The following RASGRF2 variants were observed in gnomAD, a reference collection of about 807,000 sequenced individuals.
The protein encoded by RASGRF2 is ras-specific guanine nucleotide-releasing factor 2.
A neutral mutation model predicts 151.0 loss-of-function variants in RASGRF2; 76 were observed. That is an observed-to-expected ratio of 0.50 (90% confidence interval 0.42 to 0.61). The LOEUF is 0.61. Among genes scored for constraint, RASGRF2 ranks in the 20% least tolerant of loss-of-function variants. The pLI, the probability that RASGRF2 is intolerant of heterozygous loss-of-function variation, is 0.00. For missense variants in RASGRF2, 1,148 were observed against 1,564.6 expected, an observed-to-expected ratio of 0.73 and a Z score of 4.49; for synonymous variants, 504 against 566.5, an observed-to-expected ratio of 0.89 and a Z score of 1.57.
intron 1 of RASGRF2, among the ~76,000 whole-genome samples, chr5:81,005,528 T>A (rs1261969927): frequency 6.6e-6 from 1 of 152,108 alleles, no homozygotes; most frequent in Non-Finnish European, 1.5e-5. Flanking sequence ...ACCATATCAG[T>A]CAGTGTTTTT....
rs560599632 is a variant in RASGRF2 at position 81,007,575 on chromosome 5, CTCGCT to C, written c.289-35300_289-35296del. On this transcript the variant is annotated intron_variant, in intron 1 of 26. Transcript: ENST00000265080. Reference sequence around the variant, plus strand: ...TGAGGGTTAGTTGGCCATATACTCCCTCGCTTTCTTTTTTCCATTAAGAAAAATTC... The same window carrying C: ...TGAGGGTTAGTTGGCCATATACTCCCTTCTTTTTTCCATTAAGAAAAATTC... Among the ~76,000 whole-genome samples the C allele has an allele frequency of 5.9e-5, 9 of 152,102 alleles. No homozygotes were observed. In the South Asian group the frequency reaches 1.9e-3, roughly 32 times the overall value.
intron 12 of RASGRF2, among the ~76,000 whole-genome samples, chr5:81,100,539 C>G (rs1752672697): frequency 6.6e-6 from 1 of 152,184 alleles, no homozygotes; most frequent in African/African-American, 2.4e-5. Flanking sequence ...AATAATTCTT[C>G]CCCTTTTTCA....
chr5:81,013,634 T>G lies in RASGRF2; in HGVS notation c.289-29243T>G, dbSNP rs560644795. Among the ~76,000 whole-genome samples the G allele has an allele frequency of 5.9e-5, 9 of 151,844 alleles. No homozygotes were observed. The South Asian group carries it at 1.9e-3, about 31-fold the overall frequency. On this transcript the variant is annotated intron_variant, in intron 1 of 26. Coordinates refer to ENST00000265080, the MANE Select transcript of RASGRF2 (RefSeq NM_006909.3). ...ATATGTTATGCTATGTATTATGTTG[T>G]GTATGTGTATATATATATGTTATTC...
At chr5:81,120,174 C>T (rs535565436) in intron 15 of RASGRF2, among the ~76,000 whole-genome samples, 1 of 152,244 alleles carries the variant, frequency 6.6e-6, no homozygotes, top group African/African-American at 2.4e-5. Flanking sequence ...ATTTCTTTTC[C>T]CTTTCTATAG....
intron 1 of RASGRF2, among the ~76,000 whole-genome samples, chr5:81,022,515 A>G (rs764474578): frequency 1.4e-4 from 21 of 152,210 alleles, no homozygotes; most frequent in Non-Finnish European, 1.9e-4. Context: ...CCCTGAGGGA[A>G]GTGGCACTGA....
At chr5:80,971,189 T>C (rs1358002342) in intron 1 of RASGRF2, among the ~76,000 whole-genome samples, 1 of 152,176 alleles carries the variant, frequency 6.6e-6, no homozygotes, top group Non-Finnish European at 1.5e-5. Context: ...ATCAAGACAT[T>C]GACACGATCA....
chr5:81,208,411 T>C lies in RASGRF2; in HGVS notation c.3129T>C (p.Ile1043=). 4.3e-6 allele frequency: 7 copies of C among 1,613,934 alleles called. No homozygotes were observed. The highest frequency in any genetic ancestry group is 5.9e-6 in the Non-Finnish European group (7 of 1,179,942). ...KLDKNERTPY[I]MKTSQHFNDM... ...ATAAAAACGAAAGAACTCCTTACATTATGAAAACCAGCCAACACTTCAATG... is the reference window on the plus strand; with the variant it reads ...ATAAAAACGAAAGAACTCCTTACATCATGAAAACCAGCCAACACTTCAATG... The change falls in exon 22 of 27, where the codon ATT becomes ATC. Residue 1043 remains isoleucine, a synonymous_variant. Coordinates refer to ENST00000265080, the MANE Select transcript of RASGRF2 (RefSeq NM_006909.3).
rs537563148 is a variant in RASGRF2 at position 81,031,607 on chromosome 5, C to T, written c.289-11270C>T. Among the ~76,000 whole-genome samples, 32 of 152,260 alleles carry T rather than the reference C, an allele frequency of 2.1e-4. 1 individual carries two copies. The South Asian group carries it at 6.4e-3, about 31-fold the overall frequency. ...AGATGTTCTTTGAAACCAATGAGAA[C>T]AAAGACACCACATACCCAAATCTCT... On this transcript the variant is annotated intron_variant, in intron 1 of 26. Transcript: ENST00000265080.
intron 14 of RASGRF2, 70 bp downstream of exon 14, chr5:81,112,928 A>G: frequency 4.4e-6 from 7 of 1,588,572 alleles, no homozygotes; most frequent in Non-Finnish European, 6.0e-6. Context: ...CACCATGAGG[A>G]TGAGCAGGCC....
rs369787079 is a variant in RASGRF2 at position 81,225,724 on chromosome 5, C to A, written c.3668C>A (p.Thr1223Lys). The part of the protein sequence containing the change: ...LDKDLIIDED[T>K]LYELSLKIEP... ...AAAGACCTTATCATAGATGAAGATACGCTATATGAGCTGTCACTAAAAATT... is the reference window on the plus strand; with the variant it reads ...AAAGACCTTATCATAGATGAAGATAAGCTATATGAGCTGTCACTAAAAATT... The change falls in exon 27 of 27, where the codon ACG becomes AAG. Residue 1223 changes from threonine (T) to lysine (K), a missense_variant. Thr to Lys is a moderately conservative substitution (Grantham distance 78). Around this residue, in one of 5 missense-constraint regions of RASGRF2, gnomAD observed 100 missense variants for 148.2 expected, o/e 0.67. Coordinates refer to ENST00000265080, the MANE Select transcript of RASGRF2 (RefSeq NM_006909.3). 6.2e-7 allele frequency: 1 copy of A among 1,612,252 alleles called. No individual in the cohort carries two copies. Among genetic ancestry groups the A allele is most frequent in the Non-Finnish European group, 8.5e-7 (1 of 1,179,578 alleles).
At chr5:81,157,824 C>T (rs898353864) in intron 17 of RASGRF2, among the ~76,000 whole-genome samples, 4 of 152,136 alleles carry the variant, frequency 2.6e-5, no homozygotes, top group African/African-American at 2.4e-5. Context: ...TGGGGAAAAC[C>T]GCCCCTGTGA....
At chr5:81,104,528 T>C (rs960530323) in intron 12 of RASGRF2, among the ~76,000 whole-genome samples, 2 of 152,174 alleles carry the variant, frequency 1.3e-5, no homozygotes, top group African/African-American at 4.8e-5. Context: ...ATTTCCCCTT[T>C]CCAATTCTCT....
intron 17 of RASGRF2, among the ~76,000 whole-genome samples, chr5:81,164,101 A>G (rs1316756786): frequency 6.6e-6 from 1 of 152,220 alleles, no homozygotes; most frequent in Non-Finnish European, 1.5e-5. Flanking sequence ...ACACTGAGTG[A>G]TGTTAGCTAT....
chr5:80,961,218 A>G (rs565155772), intron 1 of RASGRF2, among the ~76,000 whole-genome samples, 192 bp downstream of exon 1: 1 of 151,634 alleles, frequency 6.6e-6, no homozygotes, highest in East Asian at 1.9e-4. Flanking sequence ...CCATCTCCAT[A>G]CCCCTCCACC....
chr5:80,967,139 AG>A (rs1747748370), intron 1 of RASGRF2, among the ~76,000 whole-genome samples: 1 of 152,228 alleles, frequency 6.6e-6, no homozygotes, highest in Non-Finnish European at 1.5e-5. Context: ...CTATAATCCC[AG>A]CACTTTGGGA....
At chr5:81,212,330 C>T in intron 22 of RASGRF2, 36 bp from the exon 23 acceptor site, 1 of 1,538,416 alleles carries the variant, frequency 6.5e-7, no homozygotes, top group Non-Finnish European at 8.8e-7. Context: ...GCTTGGGGCT[C>T]TTAGACTGCC....
intron 21 of RASGRF2, 87 bp downstream of exon 21, chr5:81,207,436 G>A (rs1282742746): frequency 1.8e-6 from 2 of 1,126,374 alleles, no homozygotes; most frequent in African/African-American, 3.1e-5. Context: ...TTGTGTGTAT[G>A]TCTGTCCCCT....
At chr5:80,961,835 C>T (rs1386294710) in intron 1 of RASGRF2, among the ~76,000 whole-genome samples, 1 of 152,154 alleles carries the variant, frequency 6.6e-6, no homozygotes, top group Admixed American at 6.5e-5. Flanking sequence ...GATCCCAGCC[C>T]CTCATTCCTG....
At chr5:80,990,121 G>T (rs1266274248) in intron 1 of RASGRF2, among the ~76,000 whole-genome samples, 2 of 152,200 alleles carry the variant, frequency 1.3e-5, no homozygotes, top group Non-Finnish European at 2.9e-5. Context: ...CCTGGAGAAA[G>T]TAGGGTCATT....
Sources: allele counts gnomAD v4.1 joint callset (sites outside exome capture counted in the v4.1 genomes callset), GRCh38; gene constraint gnomAD v4.1.1; regional missense constraint gnomAD v4.1.1; transcripts MANE v1.5; gene names NCBI Gene and HGNC (gene_info 2026-07-23, HGNC 2026-07-21).